The following GGT7 variants were observed in gnomAD, a reference collection of about 807,000 sequenced individuals.
The protein encoded by GGT7 is gamma-glutamyltransferase 7.
GGT7 carries 30 observed loss-of-function variants against 69.2 expected under a neutral mutation model. The ratio of observed to expected loss-of-function variants is 0.43; its 90% confidence interval spans 0.32 to 0.59. The LOEUF (loss-of-function observed/expected upper bound fraction) is 0.59. Among genes scored for constraint, GGT7 ranks in the 20% least tolerant of loss-of-function variants. GGT7 has a pLI of 0.05. For synonymous variants in GGT7, 388 were observed against 391.8 expected, an observed-to-expected ratio of 0.99 and a Z score of 0.12; for missense variants, 733 against 901.1, an observed-to-expected ratio of 0.81 and a Z score of 2.39.
intron 1 of GGT7, among the ~76,000 whole-genome samples, chr20:34,864,466 A>G (rs1197331908): frequency 6.6e-6 from 1 of 152,112 alleles, no homozygotes; most frequent in Non-Finnish European, 1.5e-5. Context: ...CAATCTTGTA[A>G]TCCCAGCACT....
At position 34,861,530 on chromosome 20, in the gene GGT7, CG is replaced by C. The variant is rs751891013; in HGVS notation, c.589del (p.Arg197GlufsTer6). 1 of 1,523,406 alleles carries C rather than the reference CG, an allele frequency of 6.6e-7. No individual in the cohort carries two copies. The highest frequency in any genetic ancestry group is 1.9e-5 in the Admixed American group (1 of 52,694). The allele number at this position is 1,523,406 out of a possible 1,614,324, so 94.4% of individuals were successfully genotyped here. Reference sequence around the variant, plus strand: ...GAAATCAATTAGGTGGCTCTCATTTCGTCGGATGTCATGTACCAGCATCACG... The same window carrying C: ...GAAATCAATTAGGTGGCTCTCATTTCTCGGATGTCATGTACCAGCATCACG... ...GGVMLVHDIR[R>X]NESHLIDFRE... On this transcript the variant is annotated frameshift_variant, in exon 4 of 15. Transcript: ENST00000336431. LOFTEE classifies it high-confidence loss of function.
chr20:34,859,366 A>T, intron 7 of GGT7, 77 bp downstream of exon 7: 1 of 1,114,276 alleles, frequency 9.0e-7, no homozygotes, highest in Non-Finnish European at 1.3e-6. Flanking sequence ...GAGGGAAGGA[A>T]GGAAAAAATG....
chr20:34,866,304 G>A (rs918798950), intron 1 of GGT7, among the ~76,000 whole-genome samples: 2 of 152,032 alleles, frequency 1.3e-5, no homozygotes, highest in African/African-American at 2.4e-5. Context: ...TACATAAACC[G>A]GGAGTGCTCG....
In GGT7 at chr20:34,859,464, G is replaced by A. The variant is rs2079547059; in HGVS notation, c.993C>T (p.Leu331=). ...TTACCTCGGCCACCATCTCCAGTGT[G>A]AGGTTGCCACCTGCGTAGAAGGCAG... ...GPAAFYAGGN[L]TLEMVAEAQH... The change falls in exon 7 of 15, where the codon CTC becomes CTT. Residue 331 remains leucine, a synonymous_variant. Coordinates refer to ENST00000336431, the MANE Select transcript of GGT7 (RefSeq NM_178026.3). 1 of 1,594,464 alleles carries A rather than the reference G, an allele frequency of 6.3e-7. No individual in the cohort carries two copies. The highest frequency in any genetic ancestry group is 8.6e-7 in the Non-Finnish European group (1 of 1,165,276).
chr20:34,872,716 C>G lies in GGT7; in HGVS notation c.100G>C (p.Glu34Gln), dbSNP rs372402917. The G allele has an allele frequency of 6.7e-7, 1 of 1,488,158 alleles. No individual in the cohort carries two copies. Among genetic ancestry groups the G allele is most frequent in the Non-Finnish European group, 8.9e-7 (1 of 1,123,100 alleles). 92.2% of individuals were successfully genotyped at this position (1,488,158 alleles called of 1,614,324 possible). Residue 34 changes from glutamate to glutamine, a missense_variant, in exon 1 of 15, where the codon GAG (glutamate) becomes CAG (glutamine). By Grantham distance (29) the Glu-to-Gln change is conservative. Coordinates refer to ENST00000336431, the MANE Select transcript of GGT7 (RefSeq NM_178026.3). ...ITSFPRLPED[E>Q]PAPAAPLRGR... ...CTCAGCGGGGCCGCGGGCGCCGGCT[C>G]GTCCTCGGGCAGCCGCGGGAAGCTG...
intron 7 of GGT7, among the ~76,000 whole-genome samples, chr20:34,858,962 G>A (rs1446530705): frequency 6.6e-6 from 1 of 152,214 alleles, no homozygotes; most frequent in Non-Finnish European, 1.5e-5. Context: ...CTTGAGGTCA[G>A]GAGTTCGAGA....
At chr20:34,848,089 T>C (rs1394298922) in intron 14 of GGT7, among the ~76,000 whole-genome samples, 3 of 152,136 alleles carry the variant, frequency 2.0e-5, no homozygotes, top group African/African-American at 7.2e-5. Flanking sequence ...TGAGACTCTA[T>C]CTCAAAAAAA....
rs1216314589 is a variant in GGT7, at chr20:34,854,555, G to C, written c.1295C>G (p.Thr432Ser). The change falls in exon 10 of 15, where the codon ACT becomes AGT. Residue 432 changes from threonine to serine, a missense_variant. Thr to Ser is a moderately conservative substitution (Grantham distance 58). Transcript: ENST00000336431. ...CCTGAGCATGTCATCCATGCTCTCA[G>C]TGATGGTAGAATCATAGACGGGATC... ...LGDPVYDSTI[T>S]ESMDDMLSKV... 6.2e-7 allele frequency: 1 copy of C among 1,612,082 alleles called. No homozygotes were observed. The highest frequency in any genetic ancestry group is 8.5e-7 in the Non-Finnish European group (1 of 1,178,352).
intron 8 of GGT7, 79 bp from the exon 9 acceptor site, chr20:34,855,002 C>A: frequency 1.4e-6 from 2 of 1,392,322 alleles, no homozygotes; most frequent in Non-Finnish European, 2.0e-6. Flanking sequence ...CCACATTCCA[C>A]CATCACACAC....
intron 10 of GGT7, 76 bp downstream of exon 10, chr20:34,854,455 C>A: frequency 2.4e-6 from 2 of 830,022 alleles, no homozygotes; most frequent in Non-Finnish European, 4.0e-6. Context: ...TATTGCTATA[C>A]CAGCTGCTTT....
chr20:34,845,449 C>T lies in GGT7; in HGVS notation c.1868G>A (p.Gly623Asp). 1.2e-6 allele frequency: 2 copies of T among 1,613,952 alleles called. No individual in the cohort carries two copies. Among genetic ancestry groups the T allele is most frequent in the East Asian group, 2.2e-5 (1 of 44,886 alleles). Residue 623 changes from glycine (G) to aspartate (D), a missense_variant, in exon 15 of 15, where the codon GGT becomes GAT. Gly to Asp is a moderately conservative substitution (Grantham distance 94). Coordinates refer to ENST00000336431, the MANE Select transcript of GGT7 (RefSeq NM_178026.3). The part of the protein sequence containing the change: ...EEEIEFLEAR[G>D]HHVEKVDVLS... ...GACATCTACTTTCTCCACGTGGTGA[C>T]CCCTGGCTTCCAGGAACTCAATCTC... is the stretch of plus-strand genomic sequence containing the variant.
intron 1 of GGT7, among the ~76,000 whole-genome samples, chr20:34,866,122 TAAATAAGAAACC>T (rs1295184561): frequency 1.3e-5 from 2 of 152,234 alleles, no homozygotes; most frequent in Non-Finnish European, 2.9e-5. Context: ...ATCTTTTGTG[TAAATAAGAAACC>T]AAATATATAG....
intron 1 of GGT7, among the ~76,000 whole-genome samples, chr20:34,869,522 A>G (rs2146932468): frequency 6.6e-6 from 1 of 152,258 alleles, no homozygotes; most frequent in East Asian, 1.9e-4. Context: ...GAAGCGATGG[A>G]TGGATTGGGG....
intron 14 of GGT7, among the ~76,000 whole-genome samples, chr20:34,848,362 C>G (rs1273771703): frequency 6.6e-6 from 1 of 152,176 alleles, no homozygotes; most frequent in East Asian, 1.9e-4. Flanking sequence ...TACTTGTCAC[C>G]TCCTCCATAA....
In GGT7 at chr20:34,863,460, G is replaced by C. The variant is rs148446671; in HGVS notation, c.258C>G (p.Arg86=). The C allele has an allele frequency of 4.8e-5, 77 of 1,611,100 alleles. No individual in the cohort carries two copies. The highest frequency in any genetic ancestry group is 6.4e-5 in the Non-Finnish European group (75 of 1,179,100). Residue 86 remains arginine (R), a synonymous_variant, in exon 2 of 15, where the codon CGC becomes CGG. Transcript: ENST00000336431. This position sits in a 1 kb window ranked among gnomAD's most constrained non-coding sequence, Gnocchi z 4.4. ...EMGSQDGSPL[R]ETRKDPFSAA... ...CGGAGAACGGGTCTTTGCGCGTCTCGCGTAGCGGCGACCCGTCTTGGCTGC... is the reference window on the plus strand; with the variant it reads ...CGGAGAACGGGTCTTTGCGCGTCTCCCGTAGCGGCGACCCGTCTTGGCTGC...
intron 12 of GGT7, 22 bp from the exon 13 acceptor site, chr20:34,851,390 C>T (rs768304327): frequency 1.9e-6 from 3 of 1,599,438 alleles, no homozygotes; most frequent in African/African-American, 2.7e-5. Flanking sequence ...GGACAGAGAC[C>T]ACAAGGGGCA....
chr20:34,853,338 T>C (rs886953768), intron 10 of GGT7, among the ~76,000 whole-genome samples: 2 of 142,324 alleles, frequency 1.4e-5, no homozygotes, highest in African/African-American at 2.6e-5. Flanking sequence ...AGATTTCATA[T>C]AGGTGTGTGT....
chr20:34,852,365 G>T, intron 11 of GGT7, 24 bp downstream of exon 11: 1 of 1,612,542 alleles, frequency 6.2e-7, no homozygotes, highest in Non-Finnish European at 8.5e-7. Flanking sequence ...CCTTGTTCCA[G>T]GTTCTGAGTC....
intron 5 of GGT7, 94 bp downstream of exon 5, chr20:34,860,160 G>A (rs1412221197): frequency 9.5e-7 from 1 of 1,047,540 alleles, no homozygotes; most frequent in Non-Finnish European, 1.5e-6. Flanking sequence ...TTAGGAGGGG[G>A]AGTTGGGAAA....
Sources: gnomAD v4.1 joint callset for allele counts (sites outside exome capture counted in the v4.1 genomes callset) on GRCh38, gnomAD v4.1.1 for gene constraint, Gnocchi (gnomAD v3.1) non-coding constraint, MANE v1.5 for transcripts, NCBI Gene and HGNC (gene_info 2026-07-23, HGNC 2026-07-21) for gene names.